Variants in DPP10 observed in about 807,000 individuals in gnomAD.
DPP10 encodes the protein dipeptidyl peptidase like 10.
Under a neutral mutation model 120.9 loss-of-function variants are expected in DPP10, and 33 were observed. The ratio of observed to expected loss-of-function variants is 0.27; its 90% confidence interval spans 0.21 to 0.37. DPP10 has a LOEUF of 0.37. Ranked by LOEUF, DPP10 falls within the 10% of genes least tolerant of loss-of-function variation. DPP10 has a pLI of 1.00. For missense variants in DPP10, 816 were observed against 942.8 expected, an observed-to-expected ratio of 0.87 and a Z score of 1.76; for synonymous variants, 337 against 326.1, an observed-to-expected ratio of 1.03 and a Z score of -0.36.
At chr2:115,029,176 T>A (rs980323044) in intron 1 of DPP10, among the ~76,000 whole-genome samples, 1 of 152,112 alleles carries the variant, frequency 6.6e-6, no homozygotes, top group Non-Finnish European at 1.5e-5. Context: ...GTTAAGTGTT[T>A]TTCTCTGGTA....
chr2:115,159,953 T>C (rs988206678), intron 1 of DPP10, among the ~76,000 whole-genome samples: 16 of 152,122 alleles, frequency 1.1e-4, no homozygotes, highest in Non-Finnish European at 2.1e-4. Context: ...CTCAAGCAGA[T>C]TGTCCGAAAT....
At chr2:115,318,730 C>T (rs886468057) in intron 2 of DPP10, among the ~76,000 whole-genome samples, 3 of 152,016 alleles carry the variant, frequency 2.0e-5, no homozygotes, top group African/African-American at 7.2e-5. Flanking sequence ...TGTTGGTATA[C>T]AGAAACATGA....
At chr2:114,689,824 G>A (rs558907549) in intron 1 of DPP10, among the ~76,000 whole-genome samples, 2 of 152,092 alleles carry the variant, frequency 1.3e-5, no homozygotes, top group East Asian at 3.9e-4. Context: ...TTTCTCTAAT[G>A]ATCAGTGATG....
At chr2:115,311,658 CAAATACAAACATTTAGA>C (rs2061583433) in intron 2 of DPP10, among the ~76,000 whole-genome samples, 2 of 152,186 alleles carry the variant, frequency 1.3e-5, no homozygotes. Flanking sequence ...TCCCGTTACA[CAAATACAAACATTTAGA>C]AAATACACAT....
chr2:114,706,499 T>C (rs146855139), intron 1 of DPP10, among the ~76,000 whole-genome samples: 5 of 152,316 alleles, frequency 3.3e-5, no homozygotes, highest in African/African-American at 1.2e-4. Flanking sequence ...TGGCATTTTT[T>C]GACTTGCAGA....
At chr2:115,521,281 A>G (rs1458102550) in intron 4 of DPP10, among the ~76,000 whole-genome samples, 2 of 152,200 alleles carry the variant, frequency 1.3e-5, no homozygotes, top group African/African-American at 4.8e-5. Flanking sequence ...CCTTTTCTTT[A>G]GAGGGCATGG....
Position 115,633,560 on chromosome 2 carries a change from C to T in DPP10, c.442-56127C>T, listed in dbSNP as rs1388298558. Among the ~76,000 whole-genome samples the T allele has an allele frequency of 3.3e-5, 5 of 152,098 alleles. No homozygotes were observed. The East Asian group carries it at 5.8e-4, about 18-fold the overall frequency. On this transcript the variant is annotated intron_variant, in intron 5 of 25. Transcript: ENST00000410059. The stretch of plus-strand genomic sequence containing the variant: ...CAAACCTGCACGTTGTACACATGTA[C>T]CCTAGAACTTAAAGTATAAAAAAAA...
chr2:115,166,531 A>ATTG (rs1158538289), intron 1 of DPP10, among the ~76,000 whole-genome samples: 1 of 146,570 alleles, frequency 6.8e-6, no homozygotes, highest in African/African-American at 2.5e-5. Context: ...ATAAATATAT[A>ATTG]TATAAATTTA....
chr2:114,746,945 A>G (rs1163034002), intron 1 of DPP10, among the ~76,000 whole-genome samples: 4 of 152,218 alleles, frequency 2.6e-5, no homozygotes, highest in Admixed American at 6.5e-5. Context: ...AGGTTGAAAC[A>G]TAAAAGAGAC....
intron 1 of DPP10, among the ~76,000 whole-genome samples, chr2:114,587,692 G>T (rs566989734): frequency 6.6e-6 from 1 of 152,162 alleles, no homozygotes; most frequent in African/African-American, 2.4e-5. Context: ...TTTTAAAATA[G>T]AGCAATAAAG....
chr2:114,891,076 T>A (rs557790781), intron 1 of DPP10, among the ~76,000 whole-genome samples: 14 of 152,298 alleles, frequency 9.2e-5, no homozygotes, highest in Admixed American at 9.2e-4. Flanking sequence ...TGATTTTTTT[T>A]TTTTGGTAAA....
chr2:115,189,311 A>G (rs909153287), intron 1 of DPP10, among the ~76,000 whole-genome samples: 3 of 151,958 alleles, frequency 2.0e-5, no homozygotes, highest in African/African-American at 7.3e-5. Context: ...CGGGGTGAGT[A>G]GTTTGGCAGG....
intron 24 of DPP10, among the ~76,000 whole-genome samples, chr2:115,840,373 G>T: frequency 7.7e-6 from 1 of 129,930 alleles, no homozygotes. Context: ...GCCCAGGCTG[G>T]ACTGTAGTGG....
At chr2:115,444,464 T>G (rs1483560704) in intron 3 of DPP10, among the ~76,000 whole-genome samples, 1 of 152,226 alleles carries the variant, frequency 6.6e-6, no homozygotes, top group African/African-American at 2.4e-5. Context: ...TATGTTATAA[T>G]AAGTCTCTGT....
At chr2:115,593,947 A>T (rs1382016611) in intron 5 of DPP10, among the ~76,000 whole-genome samples, 1 of 152,150 alleles carries the variant, frequency 6.6e-6, no homozygotes, top group East Asian at 1.9e-4. Flanking sequence ...CCAATAACTT[A>T]CCTCTGCCTG....
intron 1 of DPP10, among the ~76,000 whole-genome samples, chr2:115,023,578 C>G (rs539958083): frequency 6.6e-6 from 1 of 152,212 alleles, no homozygotes; most frequent in South Asian, 2.1e-4. Context: ...CTAGGGCAAA[C>G]AGTGTGGAGA....
intron 1 of DPP10, among the ~76,000 whole-genome samples, chr2:115,240,966 A>G (rs2058245975): frequency 6.6e-6 from 1 of 152,198 alleles, no homozygotes; most frequent in South Asian, 2.1e-4. Flanking sequence ...TTTTCATGGC[A>G]AACCTATAAA....
At chr2:114,918,797 G>A (rs972002069) in intron 1 of DPP10, among the ~76,000 whole-genome samples, 1 of 152,058 alleles carries the variant, frequency 6.6e-6, no homozygotes, top group African/African-American at 2.4e-5. Context: ...ATTACTTAAG[G>A]GTGCAGGGTG....
chr2:115,551,584 T>A (rs2079876507), intron 5 of DPP10, among the ~76,000 whole-genome samples: 2 of 152,194 alleles, frequency 1.3e-5, no homozygotes, highest in African/African-American at 2.4e-5. Flanking sequence ...TTTTCTTACA[T>A]TTCTCTTTAT....
Sources: gnomAD v4.1 joint callset for allele counts (sites outside exome capture counted in the v4.1 genomes callset) on GRCh38, gnomAD v4.1.1 for gene constraint, MANE v1.5 for transcripts, NCBI Gene and HGNC (gene_info 2026-07-23, HGNC 2026-07-21) for gene names.